Variants in RNF13 observed in about 807,000 individuals in gnomAD.
RNF13 encodes E3 ubiquitin-protein ligase RNF13.
A neutral mutation model predicts 37.7 loss-of-function variants in RNF13; 19 were observed. The observed-to-expected ratio is 0.50, with a 90% CI of 0.35 to 0.74. The LOEUF (loss-of-function observed/expected upper bound fraction) is 0.74. Ranked by LOEUF, RNF13 falls within the 30% of genes least tolerant of loss-of-function variation. RNF13 has a pLI of 0.01. For synonymous variants in RNF13, 144 were observed against 157.8 expected (o/e 0.91, Z 0.65); for missense variants, 375 against 453.0 (o/e 0.83, Z 1.56).
At chr3:149,948,075 G>A (rs754553330) in intron 8 of RNF13, among the ~76,000 whole-genome samples, 3 of 151,892 alleles carry the variant, frequency 2.0e-5, no homozygotes, top group South Asian at 2.1e-4. Flanking sequence ...TCAGCCTCCC[G>A]AGTAGCTGGG....
intron 5 of RNF13, among the ~76,000 whole-genome samples, chr3:149,901,297 T>G (rs1715809870): frequency 6.6e-6 from 1 of 152,212 alleles, no homozygotes; most frequent in Non-Finnish European, 1.5e-5. Context: ...CAAATGGGCC[T>G]TCTCTAAAGC....
At chr3:149,906,284 T>C (rs1716385943) in intron 6 of RNF13, among the ~76,000 whole-genome samples, 1 of 142,446 alleles carries the variant, frequency 7.0e-6, no homozygotes, top group Admixed American at 6.9e-5. Context: ...TGAATAATGC[T>C]TTTTTTTTCA....
chr3:149,825,932 C>T (rs1720457715), intron 1 of RNF13, among the ~76,000 whole-genome samples: 1 of 152,006 alleles, frequency 6.6e-6, no homozygotes, highest in Non-Finnish European at 1.5e-5. Flanking sequence ...TTTTGGAATC[C>T]CTCTCTCCTG....
intron 6 of RNF13, among the ~76,000 whole-genome samples, chr3:149,905,328 T>C (rs977854658): frequency 1.3e-5 from 2 of 152,176 alleles, no homozygotes; most frequent in Non-Finnish European, 2.9e-5. Context: ...GTATTTCTCT[T>C]ATTACAAGCA....
Position 149,960,093 on chromosome 3 carries a change from G to A in RNF13, c.738G>A (p.Glu246=), listed in dbSNP as rs762277603. The change falls in exon 9 of 10, where the codon GAG becomes GAA. Residue 246 remains glutamate, a synonymous_variant. Transcript: ENST00000392894. ...EYDVCAICLD[E]YEDGDKLRIL... is the part of the protein sequence containing the mutation. ...ATGTATGTGCCATTTGTTTGGATGA[G>A]TATGAAGATGGAGACAAACTCAGAA... 2 of 1,612,680 alleles carry A rather than the reference G, an allele frequency of 1.2e-6. No homozygotes were observed. Among genetic ancestry groups the A allele is most frequent in the South Asian group, 1.1e-5 (1 of 91,056 alleles).
intron 4 of RNF13, among the ~76,000 whole-genome samples, chr3:149,873,972 C>T (rs1448526099): frequency 6.6e-6 from 1 of 152,032 alleles, no homozygotes; most frequent in African/African-American, 2.4e-5. Flanking sequence ...GTGTAATAGT[C>T]TTTTGCTTAT....
rs1184646954 is a variant in RNF13, at chr3:149,961,720, A to G, written c.*616A>G. 6.3e-6 allele frequency: 1 copy of G among 159,636 alleles called. No individual in the cohort carries two copies. The highest frequency in any genetic ancestry group is 1.4e-5 in the Non-Finnish European group (1 of 72,800). 9.9% of individuals were successfully genotyped at this position (159,636 alleles called of 1,614,324 possible). ...CGTTTTAATTACTATAGTGTTATGT[A>G]GAGATTTGATTGAGCAGCTAATGTT... is the stretch of plus-strand genomic sequence containing the variant. On this transcript the variant is annotated 3_prime_UTR_variant, in exon 10 of 10. Transcript: ENST00000392894.
chr3:149,954,732 A>T lies in RNF13; in HGVS notation c.701-5324A>T, dbSNP rs77131969. ...GTTCATGCTGATTAATAGTTAAATG[A>T]TTTAAGTATTAACTTACCCATTTCT... On this transcript the variant is annotated intron_variant, in intron 8 of 9. Coordinates refer to ENST00000392894, the MANE Select transcript of RNF13 (RefSeq NM_183381.3). 5.3e-5 allele frequency among the ~76,000 whole-genome samples: 8 copies of T among 152,294 alleles called. No individual in the cohort carries two copies. The East Asian group carries it at 1.5e-3, about 29-fold the overall frequency.
At chr3:149,865,875 A>G (rs1361158872) in intron 3 of RNF13, among the ~76,000 whole-genome samples, 1 of 152,150 alleles carries the variant, frequency 6.6e-6, no homozygotes, top group African/African-American at 2.4e-5. Context: ...CGTGCAAGAA[A>G]GAATTCAGGG....
At chr3:149,947,407 CTTT>C (rs869289029) in intron 8 of RNF13, among the ~76,000 whole-genome samples, 7 of 140,112 alleles carry the variant, frequency 5.0e-5, no homozygotes. Context: ...TCTTTCAGTT[CTTT>C]TTTTTTTTTT....
intron 8 of RNF13, among the ~76,000 whole-genome samples, chr3:149,924,960 A>G (rs1025778999): frequency 6.6e-6 from 1 of 152,178 alleles, no homozygotes; most frequent in African/African-American, 2.4e-5. Flanking sequence ...GGAAAGTAGA[A>G]TATGTGGGTG....
intron 1 of RNF13, among the ~76,000 whole-genome samples, chr3:149,820,459 GA>G (rs1252139281): frequency 6.6e-6 from 1 of 152,108 alleles, no homozygotes; most frequent in Non-Finnish European, 1.5e-5. Flanking sequence ...GAATATTTCT[GA>G]ATGAAGTCAT....
At chr3:149,815,342 A>G (rs1038226277) in intron 1 of RNF13, among the ~76,000 whole-genome samples, 1 of 152,244 alleles carries the variant, frequency 6.6e-6, no homozygotes, top group Non-Finnish European at 1.5e-5. Context: ...TTGGTCAACT[A>G]TCATGGTATG....
At position 149,858,512 on chromosome 3, in the gene RNF13, G is replaced by C. The variant is rs1190560783; in HGVS notation, c.195+5916G>C. ...ATCTCTGATAAGGAAGCTTTGATCA[G>C]TAAGCCAAGTGTCAGATTACCTGAG... On this transcript the variant is annotated intron_variant, in intron 3 of 9. Transcript: ENST00000392894. Among the ~76,000 whole-genome samples the C allele has an allele frequency of 2.6e-5, 4 of 152,200 alleles. No homozygotes were observed. The East Asian group carries it at 7.7e-4, about 29-fold the overall frequency.
At chr3:149,864,575 T>C (rs73155084) in intron 3 of RNF13, among the ~76,000 whole-genome samples, 11,753 of 152,190 alleles carry the variant, frequency 0.077, 496 homozygotes, top group Middle Eastern at 0.099. Flanking sequence ...ATCATATCCA[T>C]TGAGTGAACA....
intron 8 of RNF13, among the ~76,000 whole-genome samples, chr3:149,940,896 T>C (rs971120918): frequency 6.6e-6 from 1 of 152,212 alleles, no homozygotes; most frequent in African/African-American, 2.4e-5. Flanking sequence ...TGCTGTTTCT[T>C]TTCTACAATT....
At chr3:149,871,819 A>G (rs1044430250) in intron 3 of RNF13, among the ~76,000 whole-genome samples, 11 of 152,152 alleles carry the variant, frequency 7.2e-5, no homozygotes, top group African/African-American at 2.7e-4. Context: ...TTTAACTTCA[A>G]TACAAAAGAT....
chr3:149,918,671 A>G (rs942520214), intron 7 of RNF13, among the ~76,000 whole-genome samples: 8 of 149,622 alleles, frequency 5.3e-5, no homozygotes, highest in African/African-American at 1.7e-4. Flanking sequence ...CTAGAGGCGC[A>G]CATCACCATG....
At chr3:149,870,459 G>C (rs1286976585) in intron 3 of RNF13, among the ~76,000 whole-genome samples, 1 of 151,634 alleles carries the variant, frequency 6.6e-6, no homozygotes, top group Admixed American at 6.6e-5. Flanking sequence ...CTTTTTCTAT[G>C]GGGGGAGTCA....
Sources: gnomAD v4.1 joint callset for allele counts (sites outside exome capture counted in the v4.1 genomes callset) on GRCh38, gnomAD v4.1.1 for gene constraint, MANE v1.5 for transcripts, NCBI Gene and HGNC (gene_info 2026-07-23, HGNC 2026-07-21) for gene names.